Variants in NRXN1 observed in about 807,000 individuals in gnomAD.
The protein encoded by NRXN1 is neurexin 1.
A neutral mutation model predicts 150.9 loss-of-function variants in NRXN1; 39 were observed. That is an observed-to-expected ratio of 0.26 (90% CI 0.20 to 0.34). NRXN1 has a LOEUF of 0.34. NRXN1 is among the 10% of genes least tolerant of loss of function. The pLI is 1.00. For missense variants in NRXN1, 1,815 were observed against 1,949.9 expected (o/e 0.93, Z 1.30); for synonymous variants, 924 against 757.0 (o/e 1.22, Z -3.62).
At chr2:50,603,442 A>C (rs1676600167) in intron 8 of NRXN1, among the ~76,000 whole-genome samples, 1 of 152,136 alleles carries the variant, frequency 6.6e-6, no homozygotes, top group Non-Finnish European at 1.5e-5. Context: ...ACTTTACTTA[A>C]AAGGGGAAAA....
chr2:50,664,099 A>G (rs1455614065), intron 5 of NRXN1, among the ~76,000 whole-genome samples: 2 of 152,042 alleles, frequency 1.3e-5, no homozygotes, highest in Non-Finnish European at 2.9e-5. Context: ...ACAGTCTATT[A>G]TGGCAGACAG....
At chr2:50,974,789 A>G (rs1350708450) in intron 2 of NRXN1, among the ~76,000 whole-genome samples, 2 of 151,974 alleles carry the variant, frequency 1.3e-5, no homozygotes, top group Non-Finnish European at 2.9e-5. Context: ...GTGCCTAATA[A>G]TTTGCATTGT....
intron 5 of NRXN1, among the ~76,000 whole-genome samples, chr2:50,814,787 T>A (rs1044713825): frequency 3.3e-5 from 5 of 152,172 alleles, no homozygotes; most frequent in African/African-American, 1.2e-4. Context: ...TCAAAATTAT[T>A]ATATTTTGAG....
chr2:50,625,151 T>A (rs1183433727), intron 5 of NRXN1, among the ~76,000 whole-genome samples: 1 of 151,980 alleles, frequency 6.6e-6, no homozygotes, highest in African/African-American at 2.4e-5. Flanking sequence ...AGGTTTTTAA[T>A]CTCAGGACTA....
intron 2 of NRXN1, among the ~76,000 whole-genome samples, chr2:50,955,697 T>C (rs1298087121): frequency 6.6e-6 from 1 of 152,224 alleles, no homozygotes; most frequent in Non-Finnish European, 1.5e-5. Flanking sequence ...GCAATTCTCT[T>C]GGATGGATAC....
intron 5 of NRXN1, among the ~76,000 whole-genome samples, chr2:50,870,190 C>T (rs1043142593): frequency 1.3e-5 from 2 of 151,790 alleles, no homozygotes; most frequent in Non-Finnish European, 2.9e-5. Context: ...TCTCCAAATT[C>T]CTAAATTATC....
chr2:50,075,830 G>T (rs1033270658), intron 19 of NRXN1, among the ~76,000 whole-genome samples: 1 of 151,622 alleles, frequency 6.6e-6, no homozygotes. Flanking sequence ...CAGGAAATCT[G>T]GCTATGTACA....
intron 3 of NRXN1, among the ~76,000 whole-genome samples, chr2:50,925,447 T>C (rs1022007729): frequency 6.6e-6 from 1 of 151,882 alleles, no homozygotes; most frequent in Middle Eastern, 3.2e-3. Context: ...TTAATCTAAA[T>C]TTATGTCTCT....
At chr2:50,183,322 T>C (rs536771192) in intron 18 of NRXN1, among the ~76,000 whole-genome samples, 2 of 152,186 alleles carry the variant, frequency 1.3e-5, no homozygotes, top group African/African-American at 4.8e-5. Flanking sequence ...GGTTCATATT[T>C]AGCAGCTGTC....
chr2:50,311,294 A>G (rs539537860), intron 17 of NRXN1, among the ~76,000 whole-genome samples: 21 of 152,322 alleles, frequency 1.4e-4, no homozygotes, highest in Middle Eastern at 3.4e-3. Flanking sequence ...CATGCATCAT[A>G]GAAAATCATA....
intron 2 of NRXN1, among the ~76,000 whole-genome samples, chr2:50,976,115 T>C (rs1273910794): frequency 6.6e-6 from 1 of 152,040 alleles, no homozygotes; most frequent in African/African-American, 2.4e-5. Context: ...GATGAGGACT[T>C]GTACTGTTTT....
Position 50,347,072 on chromosome 2 carries a change from A to G in NRXN1, c.3365-110102T>C. 1 of 1,380,806 alleles carries G rather than the reference A, an allele frequency of 7.2e-7. No homozygotes were observed. Among genetic ancestry groups the G allele is most frequent in the Non-Finnish European group, 9.5e-7 (1 of 1,052,282 alleles). The allele number at this position is 1,380,806 out of a possible 1,614,324, so 85.5% of individuals were successfully genotyped here. On this transcript the variant is annotated intron_variant, in intron 17 of 22. Transcript: ENST00000401669. The surrounding 1 kb of genome is among the most constrained non-coding windows in gnomAD (Gnocchi z 4.9). ...GAGGGGCCGGCCGCCTCACCGCGCC[A>G]GGGCACCCATCCTCTCCCTCCTTCG... is the stretch of plus-strand genomic sequence containing the variant.
At chr2:50,137,140 A>T (rs1271409441) in intron 18 of NRXN1, among the ~76,000 whole-genome samples, 2 of 152,212 alleles carry the variant, frequency 1.3e-5, no homozygotes, top group African/African-American at 4.8e-5. Flanking sequence ...AGTAGCTCAG[A>T]GTAATCATTC....
chr2:50,435,616 C>T (rs888256214), intron 17 of NRXN1, among the ~76,000 whole-genome samples: 1 of 152,072 alleles, frequency 6.6e-6, no homozygotes, highest in Non-Finnish European at 1.5e-5. Context: ...CACAGGCATG[C>T]GTCTTTATGG....
At chr2:51,018,168 C>A (rs1241550761) in intron 2 of NRXN1, among the ~76,000 whole-genome samples, 3 of 152,058 alleles carry the variant, frequency 2.0e-5, no homozygotes, top group Non-Finnish European at 2.9e-5. Context: ...AGAACCCACA[C>A]AGAATTCATT....
chr2:50,248,152 TC>T (rs1256172814), intron 17 of NRXN1, among the ~76,000 whole-genome samples: 1 of 151,992 alleles, frequency 6.6e-6, no homozygotes, highest in Non-Finnish European at 1.5e-5. Flanking sequence ...AGCTGGGGCT[TC>T]AGGCACATGG....
intron 17 of NRXN1, among the ~76,000 whole-genome samples, chr2:50,306,238 T>C (rs575378201): frequency 1.3e-5 from 2 of 152,306 alleles, no homozygotes; most frequent in Admixed American, 1.3e-4. Context: ...GTGAATTCAT[T>C]GAGTAGTCTG....
intron 12 of NRXN1, among the ~76,000 whole-genome samples, chr2:50,510,475 G>A (rs2092408540): frequency 1.1e-5 from 1 of 89,718 alleles, no homozygotes; most frequent in African/African-American, 4.7e-5. Flanking sequence ...GACAGAGAGA[G>A]ACTCCATCTC....
Position 50,514,354 on chromosome 2 carries a change from T to C in NRXN1, c.2375-7737A>G, listed in dbSNP as rs79707619. Among the ~76,000 whole-genome samples the C allele has an allele frequency of 3.3e-3, 510 of 152,308 alleles. 1 individual carries two copies. The highest frequency in any genetic ancestry group is 0.012 in the African/African-American group (488 of 41,554). On this transcript the variant is annotated intron_variant, in intron 12 of 22. Coordinates refer to ENST00000401669, the MANE Select transcript of NRXN1 (RefSeq NM_001330078.2). ...GTTACAGTACCATAGCATCTGAGAA[T>C]TATAAAATTTTAAAACTGAATGGTC... is the stretch of plus-strand genomic sequence containing the variant.
Sources: allele counts gnomAD v4.1 joint callset (sites outside exome capture counted in the v4.1 genomes callset), GRCh38; gene constraint gnomAD v4.1.1; non-coding constraint Gnocchi (gnomAD v3.1); transcripts MANE v1.5; gene names NCBI Gene and HGNC (gene_info 2026-07-23, HGNC 2026-07-21).